ZDHHC3: variants seen among roughly 807,000 people sequenced by gnomAD.
ZDHHC3 encodes the protein palmitoyltransferase ZDHHC3.
A neutral mutation model predicts 30.6 loss-of-function variants in ZDHHC3; 9 were observed. That is an observed-to-expected ratio of 0.29 (90% confidence interval 0.18 to 0.51). The LOEUF (loss-of-function observed/expected upper bound fraction) is 0.51, where lower values mean the gene tolerates loss of function less well. Among genes scored for constraint, ZDHHC3 ranks in the 20% least tolerant of loss-of-function variants. ZDHHC3 has a pLI of 0.97. For missense variants in ZDHHC3, 246 were observed against 384.2 expected, an observed-to-expected ratio of 0.64 and a Z score of 3.01; for synonymous variants, 136 against 140.2, an observed-to-expected ratio of 0.97 and a Z score of 0.21.
intron 2 of ZDHHC3, among the ~76,000 whole-genome samples, chr3:44,946,505 T>C (rs780838695): frequency 9.9e-5 from 15 of 152,162 alleles, no homozygotes; most frequent in Admixed American, 2.0e-4. Context: ...CCAAGACTTA[T>C]AGTGTTTTGG....
intron 1 of ZDHHC3, among the ~76,000 whole-genome samples, chr3:44,970,583 T>A (rs1426385013): frequency 6.6e-6 from 1 of 152,234 alleles, no homozygotes; most frequent in Non-Finnish European, 1.5e-5. Context: ...GTTTTCTTTG[T>A]TAATATCTTG....
intron 2 of ZDHHC3, among the ~76,000 whole-genome samples, chr3:44,950,392 T>C (rs1399540293): frequency 1.3e-5 from 2 of 152,214 alleles, no homozygotes; most frequent in Non-Finnish European, 2.9e-5. Context: ...GGACCCTGTA[T>C]AAAAGACTGC....
chr3:44,972,414 G>A (rs891509586), intron 1 of ZDHHC3, among the ~76,000 whole-genome samples: 5 of 152,250 alleles, frequency 3.3e-5, no homozygotes, highest in African/African-American at 1.2e-4. Context: ...GGTGAGCAGA[G>A]ATTGTGCCAC....
At chr3:44,933,323 G>T (rs940193686) in intron 4 of ZDHHC3, 124 bp from the exon 5 acceptor site, 11 of 801,160 alleles carry the variant, frequency 1.4e-5, no homozygotes, top group Non-Finnish European at 2.3e-5. Flanking sequence ...GCCTGACCAG[G>T]AGGGACCAGA....
chr3:44,924,706 T>A lies in ZDHHC3; in HGVS notation c.*1983A>T, dbSNP rs1293193467. ...CTTCCCCCTAGGGGAGGGCCAGAGCTGTAGCCCTGCTCTAGTTATTTAATA... is the reference window on the plus strand; with the variant it reads ...CTTCCCCCTAGGGGAGGGCCAGAGCAGTAGCCCTGCTCTAGTTATTTAATA... On this transcript the variant is annotated 3_prime_UTR_variant, in exon 7 of 7. Coordinates refer to ENST00000424952, the MANE Select transcript of ZDHHC3 (RefSeq NM_001135179.2). The A allele has an allele frequency of 1.0e-6, 1 of 985,384 alleles. No homozygotes were observed. The highest frequency in any genetic ancestry group is 6.1e-5 in the Admixed American group (1 of 16,274). 61.0% of individuals were successfully genotyped at this position (985,384 alleles called of 1,614,324 possible).
At chr3:44,969,229 G>A (rs902805420) in intron 1 of ZDHHC3, among the ~76,000 whole-genome samples, 2 of 152,096 alleles carry the variant, frequency 1.3e-5, no homozygotes, top group African/African-American at 2.4e-5. Context: ...CTGCTTGATT[G>A]TTGCCAAAGT....
chr3:44,926,056 T>TC lies in ZDHHC3; in HGVS notation c.*632dup. The TC allele has an allele frequency of 1.0e-6, 1 of 985,684 alleles. No homozygotes were observed. Among genetic ancestry groups the TC allele is most frequent in the Non-Finnish European group, 1.2e-6 (1 of 829,916 alleles). 61.1% of individuals were successfully genotyped at this position (985,684 alleles called of 1,614,324 possible). A position where few individuals can be genotyped will look rare whatever the true frequency, so the allele number is the denominator to read the frequency against. ...AGACCTCTTTCATCTTTCTCCCCAC[T>TC]CCCCCGCAAAATCATTCTACACACC... On this transcript the variant is annotated 3_prime_UTR_variant, in exon 7 of 7. Coordinates refer to ENST00000424952, the MANE Select transcript of ZDHHC3 (RefSeq NM_001135179.2).
chr3:44,950,443 T>C (rs1164398672), intron 2 of ZDHHC3, among the ~76,000 whole-genome samples: 3 of 152,328 alleles, frequency 2.0e-5, no homozygotes, highest in South Asian at 4.1e-4. Flanking sequence ...TCAGAGCTCT[T>C]GTTTGGTATT....
At chr3:44,935,261 G>A (rs1158082747) in intron 3 of ZDHHC3, among the ~76,000 whole-genome samples, 1 of 152,112 alleles carries the variant, frequency 6.6e-6, no homozygotes, top group East Asian at 1.9e-4. Context: ...ACCCCCCTTC[G>A]AGATAAATAA....
Position 44,933,346 on chromosome 3 carries a change from G to C in ZDHHC3, c.529-147C>G. On this transcript the variant is annotated intron_variant, in intron 4 of 6. Coordinates refer to ENST00000424952, the MANE Select transcript of ZDHHC3 (RefSeq NM_001135179.2). ...AGGAGGGACCAGAGGGCCAGCTAGC[G>C]ATTCCCTACAGATCCGTCTACCCAC... 4.3e-6 allele frequency: 3 copies of C among 702,632 alleles called. No individual in the cohort carries two copies. In the South Asian group the frequency reaches 5.2e-5, roughly 12 times the overall value. 43.5% of individuals were successfully genotyped at this position (702,632 alleles called of 1,614,324 possible).
rs927864411 is a variant in ZDHHC3, at chr3:44,915,371, A to C, written c.*11318T>G. On this transcript the variant is annotated 3_prime_UTR_variant, in exon 7 of 7. Transcript: ENST00000424952. Reference sequence around the variant, plus strand: ...CATCAGTTGCAATGCTTTCAGTCTGAGGCTAAGCAGAATGTTATGCTGTGA... The same window carrying C: ...CATCAGTTGCAATGCTTTCAGTCTGCGGCTAAGCAGAATGTTATGCTGTGA... 21 of 152,194 alleles carry C rather than the reference A, an allele frequency of 1.4e-4. No homozygotes were observed. Among genetic ancestry groups the C allele is most frequent in the African/African-American group, 4.6e-4 (19 of 41,416 alleles). 9.4% of individuals were successfully genotyped at this position (152,194 alleles called of 1,614,324 possible).
At chr3:44,946,380 C>A (rs550947881) in intron 2 of ZDHHC3, among the ~76,000 whole-genome samples, 5 of 152,310 alleles carry the variant, frequency 3.3e-5, no homozygotes, top group African/African-American at 1.2e-4. Flanking sequence ...ACAGGCAGTG[C>A]ACAGGCCTAA....
chr3:44,942,332 C>G (rs1702513290), intron 3 of ZDHHC3, among the ~76,000 whole-genome samples: 1 of 152,222 alleles, frequency 6.6e-6, no homozygotes, highest in South Asian at 2.1e-4. Context: ...CACCACGCAC[C>G]ATCACAAAGG....
intron 2 of ZDHHC3, among the ~76,000 whole-genome samples, chr3:44,952,152 C>T (rs573472931): frequency 1.3e-5 from 2 of 152,314 alleles, no homozygotes; most frequent in Admixed American, 6.5e-5. Flanking sequence ...AAACTGTTCC[C>T]TCAAGTCTCC....
chr3:44,966,912 T>G (rs540831800), intron 1 of ZDHHC3, among the ~76,000 whole-genome samples: 33 of 152,254 alleles, frequency 2.2e-4, no homozygotes, highest in Admixed American at 8.5e-4. Context: ...GAAAGGTGCC[T>G]TATCTTCTGC....
intron 2 of ZDHHC3, among the ~76,000 whole-genome samples, chr3:44,953,653 C>T (rs552354009): frequency 6.6e-6 from 1 of 152,324 alleles, no homozygotes; most frequent in South Asian, 2.1e-4. Flanking sequence ...AGGCCTGCAT[C>T]ACTGGCCATG....
chr3:44,924,879 G>C lies in ZDHHC3; in HGVS notation c.*1810C>G. ...CATCTCAGCCTCGCCCGTATCGCAT[G>C]AATAGCACCGTAGACACGAGGTAAA... On this transcript the variant is annotated 3_prime_UTR_variant, in exon 7 of 7. Coordinates refer to ENST00000424952, the MANE Select transcript of ZDHHC3 (RefSeq NM_001135179.2). 2.0e-6 allele frequency: 2 copies of C among 985,526 alleles called. No homozygotes were observed. The highest frequency in any genetic ancestry group is 2.4e-6 in the Non-Finnish European group (2 of 829,946). 61.0% of individuals were successfully genotyped at this position (985,526 alleles called of 1,614,324 possible). A position where few individuals can be genotyped will look rare whatever the true frequency, so the allele number is the denominator to read the frequency against.
Position 44,926,706 on chromosome 3 carries a change from A to G in ZDHHC3, c.883T>C (p.Tyr295His), listed in dbSNP as rs781399771. The stretch of plus-strand genomic sequence containing the variant: ...GGGGTCCTTCAGACCACATACTGGT[A>G]CGGGTCTGCCTTCCCTTGGTCTGGC... ...ATPDQGKADP[Y>H]QYVV Residue 295 changes from tyrosine to histidine, a missense_variant, in exon 7 of 7, where the codon TAC becomes CAC. Coordinates refer to ENST00000424952, the MANE Select transcript of ZDHHC3 (RefSeq NM_001135179.2). 2 of 1,610,608 alleles carry G rather than the reference A, an allele frequency of 1.2e-6. No homozygotes were observed. Among genetic ancestry groups the G allele is most frequent in the East Asian group, 4.5e-5 (2 of 44,824 alleles).
At chr3:44,942,777 C>T (rs1354395916) in intron 3 of ZDHHC3, among the ~76,000 whole-genome samples, 1 of 152,240 alleles carries the variant, frequency 6.6e-6, no homozygotes, top group African/African-American at 2.4e-5. Flanking sequence ...AAAGCTGAGG[C>T]TCAGAAAGAT....
Sources: allele counts gnomAD v4.1 joint callset (sites outside exome capture counted in the v4.1 genomes callset), GRCh38; gene constraint gnomAD v4.1.1; transcripts MANE v1.5; gene names NCBI Gene and HGNC (gene_info 2026-07-23, HGNC 2026-07-21).